The following RBP3 variants were observed in gnomAD, a reference collection of about 807,000 sequenced individuals.
The protein encoded by RBP3 is retinol binding protein 3.
RBP3 carries 50 observed loss-of-function variants against 64.8 expected under a neutral mutation model. The ratio of observed to expected loss-of-function variants is 0.77; its 90% CI spans 0.61 to 0.98. The LOEUF (loss-of-function observed/expected upper bound fraction) is 0.98, where lower values mean the gene tolerates loss of function less well. RBP3 is among the 50% of genes least tolerant of loss of function. The pLI is 0.00. For missense variants in RBP3, 1,712 were observed against 1,660.5 expected, an observed-to-expected ratio of 1.03 and a Z score of -0.54; for synonymous variants, 828 against 730.2, an observed-to-expected ratio of 1.13 and a Z score of -2.16.
In RBP3 at chr10:47,348,514, C is replaced by T. The variant is rs769018644; in HGVS notation, c.30C>T (p.Ser10=). The T allele has an allele frequency of 1.0e-5, 16 of 1,607,654 alleles. No individual in the cohort carries two copies. The highest frequency in any genetic ancestry group is 2.2e-5 in the East Asian group (1 of 44,886). The change falls in exon 1 of 4, where the codon TCC becomes TCT. Residue 10 remains serine (S), a synonymous_variant. Transcript: ENST00000584701. The part of the protein sequence containing the change: MMREWVLLM[S]VLLCGLAGPT... ...TGAGAGAATGGGTTCTGCTCATGTCCGTGCTGCTCTGTGGCCTGGCTGGCC... is the reference window on the plus strand; with the variant it reads ...TGAGAGAATGGGTTCTGCTCATGTCTGTGCTGCTCTGTGGCCTGGCTGGCC...
chr10:47,348,637 C>A lies in RBP3; in HGVS notation c.153C>A (p.Ala51=), dbSNP rs781787146. The change falls in exon 1 of 4, where the codon GCC becomes GCA. Residue 51 remains alanine, a synonymous_variant. Coordinates refer to ENST00000584701, the MANE Select transcript of RBP3 (RefSeq NM_002900.3). The part of the protein sequence containing the change: ...FPENLLGMQE[A]IQQAIKSHEI... ...AGAACCTGCTGGGCATGCAGGAAGCCATCCAGCAGGCCATCAAGAGCCATG... is the reference window on the plus strand; with the variant it reads ...AGAACCTGCTGGGCATGCAGGAAGCAATCCAGCAGGCCATCAAGAGCCATG... 6.2e-7 allele frequency: 1 copy of A among 1,613,510 alleles called. No individual in the cohort carries two copies. The highest frequency in any genetic ancestry group is 8.5e-7 in the Non-Finnish European group (1 of 1,180,020).
chr10:47,356,089 A>G (rs1471793384), intron 3 of RBP3, among the ~76,000 whole-genome samples: 2 of 152,168 alleles, frequency 1.3e-5, no homozygotes, highest in Middle Eastern at 3.2e-3. Flanking sequence ...GCCTCCATCT[A>G]TCTTCCCTGC....
chr10:47,357,073 C>T (rs1555212043), intron 3 of RBP3, 29 bp from the exon 4 acceptor site: 3 of 1,595,514 alleles, frequency 1.9e-6, no homozygotes, highest in East Asian at 4.5e-5. Flanking sequence ...TGACATGACC[C>T]CCATCCTGAA....
rs782181034 is a variant in RBP3, at chr10:47,348,789, T to G, written c.305T>G (p.Val102Gly). The G allele has an allele frequency of 6.2e-7, 1 of 1,613,522 alleles. No homozygotes were observed. The highest frequency in any genetic ancestry group is 8.5e-7 in the Non-Finnish European group (1 of 1,179,990). The change falls in exon 1 of 4, where the codon GTC becomes GGC. Residue 102 changes from valine (V) to glycine (G), a missense_variant. Physicochemically the swap from Val to Gly is moderately radical, Grantham distance 109. Transcript: ENST00000584701. ...AGCACCCCCGAGCCTCCCCCACAAG[T>G]CCCAGCACTCACCAGCCTCTCAGAA... is the stretch of plus-strand genomic sequence containing the variant. ...EPSTPEPPPQVPALTSLSEEE... is the reference protein window; with the variant it reads ...EPSTPEPPPQGPALTSLSEEE...
chr10:47,351,657 T>G (rs932798656), intron 1 of RBP3, 119 bp downstream of exon 1: 18 of 1,317,794 alleles, frequency 1.4e-5, no homozygotes, highest in Non-Finnish European at 1.6e-5. Context: ...TTCTCACGTT[T>G]AAGTTTTGAC....
At position 47,351,108 on chromosome 10, in the gene RBP3, G is replaced by A. The variant is rs1555211504; in HGVS notation, c.2624G>A (p.Gly875Asp). The A allele has an allele frequency of 6.2e-7, 1 of 1,612,776 alleles. No homozygotes were observed. Among genetic ancestry groups the A allele is most frequent in the South Asian group, 1.1e-5 (1 of 91,080 alleles). Residue 875 changes from glycine to aspartate, a missense_variant, in exon 1 of 4, where the codon GGC (glycine) becomes GAC (aspartate). Physicochemically the swap from Gly to Asp is moderately conservative, Grantham distance 94 (BLOSUM62 -1). Coordinates refer to ENST00000584701, the MANE Select transcript of RBP3 (RefSeq NM_002900.3). ...GTCATTGGGGAGCCCACGGCCGGAGGCGCACTCTCTGTGGGCATCTACCAG... is the reference window on the plus strand; with the variant it reads ...GTCATTGGGGAGCCCACGGCCGGAGACGCACTCTCTGTGGGCATCTACCAG... ...ATVIGEPTAGGALSVGIYQVG... is the reference protein window; with the variant it reads ...ATVIGEPTAGDALSVGIYQVG...
In RBP3 at chr10:47,350,251, C is replaced by T. The variant is rs782079974; in HGVS notation, c.1767C>T (p.Leu589=). 6 of 1,607,394 alleles carry T rather than the reference C, an allele frequency of 3.7e-6. No individual in the cohort carries two copies. Among genetic ancestry groups the T allele is most frequent in the South Asian group, 1.1e-5 (1 of 91,068 alleles). ...VPLLDTPEGS[L]ALTVPVLTFI... ...TGCTGGACACACCCGAAGGCAGCCT[C>T]GCGCTCACCGTGCCGGTCCTCACCT... The change falls in exon 1 of 4, where the codon CTC becomes CTT. Residue 589 remains leucine (L), a synonymous_variant. Coordinates refer to ENST00000584701, the MANE Select transcript of RBP3 (RefSeq NM_002900.3).
chr10:47,355,705 GA>G (rs367926984), intron 3 of RBP3, among the ~76,000 whole-genome samples, 187 bp downstream of exon 3: 45 of 151,616 alleles, frequency 3.0e-4, no homozygotes, highest in African/African-American at 7.5e-4. Context: ...TTTTCTAGAG[GA>G]AAAAAAAGGG....
In RBP3 at chr10:47,357,253, C is replaced by T. The variant is rs782510942; in HGVS notation, c.3540C>T (p.Thr1180=). The change falls in exon 4 of 4, where the codon ACC becomes ACT. Residue 1180 remains threonine, a synonymous_variant. Transcript: ENST00000584701. ...GTGGGGGCTGCCAGCCACCACAGAC[C>T]TACCACGTGGATGACACCAACCTCT... ...VTSGGCQPPQ[T]YHVDDTNLYL... 1 of 1,614,134 alleles carries T rather than the reference C, an allele frequency of 6.2e-7. No homozygotes were observed.
intron 2 of RBP3, among the ~76,000 whole-genome samples, chr10:47,354,309 C>T (rs532411123): frequency 2.2e-4 from 34 of 152,272 alleles, no homozygotes; most frequent in African/African-American, 5.5e-4. Context: ...CTTCCTCAGA[C>T]GGGACCCTTC....
chr10:47,352,979 A>G (rs782576187), intron 1 of RBP3, among the ~76,000 whole-genome samples: 1 of 152,200 alleles, frequency 6.6e-6, no homozygotes, highest in South Asian at 2.1e-4. Context: ...GGTAACTAAC[A>G]TCTTCCAATC....
At position 47,349,976 on chromosome 10, in the gene RBP3, G is replaced by A. The variant is rs1555211224; in HGVS notation, c.1492G>A (p.Gly498Ser). 6.2e-7 allele frequency: 1 copy of A among 1,612,560 alleles called. No homozygotes were observed. The change falls in exon 1 of 4, where the codon GGC becomes AGC. Residue 498 changes from glycine to serine, a missense_variant. Transcript: ENST00000584701. ...AVPLLLSYFQ[G>S]PEAGPVHLFT... ...GCCCCTGCTCCTGTCCTACTTCCAGGGCCCTGAGGCCGGCCCCGTGCACCT... is the reference window on the plus strand; with the variant it reads ...GCCCCTGCTCCTGTCCTACTTCCAGAGCCCTGAGGCCGGCCCCGTGCACCT...
In RBP3 at chr10:47,357,503, GAC is replaced by G; in HGVS notation, c.*53_*54del. 1 of 1,542,980 alleles carries G rather than the reference GAC, an allele frequency of 6.5e-7. No individual in the cohort carries two copies. Among genetic ancestry groups the G allele is most frequent in the South Asian group, 1.2e-5 (1 of 84,548 alleles). ...GCCCCAGGGCAGACAGAACCTCTGG[GAC>G]ACACACCAAGGGCACTCCTGCAGGT... On this transcript the variant is annotated 3_prime_UTR_variant, in exon 4 of 4. Coordinates refer to ENST00000584701, the MANE Select transcript of RBP3 (RefSeq NM_002900.3).
intron 1 of RBP3, among the ~76,000 whole-genome samples, chr10:47,352,712 T>G (rs980705496): frequency 6.6e-6 from 1 of 152,210 alleles, no homozygotes; most frequent in Non-Finnish European, 1.5e-5. Context: ...GTGCTAGGCT[T>G]GCAGAATCCC....
rs1299574313 is a variant in RBP3, at chr10:47,350,627, C to T, written c.2143C>T (p.Pro715Ser). The stretch of plus-strand genomic sequence containing the variant: ...CGAGCTGGTGGTAGAGGAAGCACCC[C>T]CACCACCCCCTGCTGTCCCCTCTCC... ...PGELVVEEAPPPPPAVPSPEE... is the reference protein window; with the variant it reads ...PGELVVEEAPSPPPAVPSPEE... The change falls in exon 1 of 4, where the codon CCA (proline) becomes TCA (serine). Residue 715 changes from proline (P) to serine (S), a missense_variant. Coordinates refer to ENST00000584701, the MANE Select transcript of RBP3 (RefSeq NM_002900.3). 1.9e-6 allele frequency: 3 copies of T among 1,612,754 alleles called. No homozygotes were observed. The highest frequency in any genetic ancestry group is 2.5e-6 in the Non-Finnish European group (3 of 1,180,034).
Position 47,350,339 on chromosome 10 carries a change from G to T in RBP3, c.1855G>T (p.Ala619Ser). 6.2e-7 allele frequency: 1 copy of T among 1,611,812 alleles called. No individual in the cohort carries two copies. Among genetic ancestry groups the T allele is most frequent in the Non-Finnish European group, 8.5e-7 (1 of 1,179,950 alleles). Residue 619 changes from alanine to serine, a missense_variant, in exon 1 of 4, where the codon GCC (alanine) becomes TCC (serine). By Grantham distance (99) the Ala-to-Ser change is moderately conservative. Transcript: ENST00000584701. ...AGTGGTGCCCGATGCCATCGTGCTG[G>T]CCGAGGAGGCCCTGGACAAAGCCCA... Reference protein sequence around the residue: ...GGVVPDAIVLAEEALDKAQEV... With the variant: ...GGVVPDAIVLSEEALDKAQEV...
chr10:47,355,644 A>C (rs770030783), intron 3 of RBP3, 126 bp downstream of exon 3: 36 of 1,193,194 alleles, frequency 3.0e-5, no homozygotes, highest in Non-Finnish European at 4.0e-5. Flanking sequence ...TAGTCCAGGC[A>C]CTAGATGTGC....
At chr10:47,351,603 TGCAGG>T (rs1457189562) in intron 1 of RBP3, 65 bp downstream of exon 1, 1 of 1,575,276 alleles carries the variant, frequency 6.3e-7, no homozygotes, top group Non-Finnish European at 8.7e-7. Flanking sequence ...TGTCCGCACA[TGCAGG>T]GCTCTGTGCA....
chr10:47,353,470 T>C lies in RBP3; in HGVS notation c.3200T>C (p.Ile1067Thr). Reference sequence around the variant, plus strand: ...GTCTCCAGGCTGCTGGTGGAGCACATCTGGAAGAAGATCATGCACACGGAT... The same window carrying C: ...GTCTCCAGGCTGCTGGTGGAGCACACCTGGAAGAAGATCATGCACACGGAT... ...TQVSRLLVEH[I>T]WKKIMHTDAM... The change falls in exon 2 of 4, where the codon ATC becomes ACC. Residue 1067 changes from isoleucine (I) to threonine (T), a missense_variant. Transcript: ENST00000584701. 6.2e-7 allele frequency: 1 copy of C among 1,614,120 alleles called. No homozygotes were observed. The highest frequency in any genetic ancestry group is 8.5e-7 in the Non-Finnish European group (1 of 1,180,026).
Sources: gnomAD v4.1 joint callset for allele counts (sites outside exome capture counted in the v4.1 genomes callset) on GRCh38, gnomAD v4.1.1 for gene constraint, MANE v1.5 for transcripts, NCBI Gene and HGNC (gene_info 2026-07-23, HGNC 2026-07-21) for gene names.